WIPF3: variants seen among roughly 807,000 people sequenced by gnomAD.
The protein encoded by WIPF3 is WAS/WASL interacting protein family member 3.
A neutral mutation model predicts 38.9 loss-of-function variants in WIPF3; 33 were observed. That is an observed-to-expected ratio of 0.85 (90% confidence interval 0.64 to 1.14). The LOEUF (loss-of-function observed/expected upper bound fraction) is 1.14. Among genes scored for constraint, WIPF3 ranks in the 50% most tolerant of loss-of-function variants. The pLI is 0.00. For synonymous variants in WIPF3, 324 were observed against 269.3 expected (o/e 1.20, Z -1.99); for missense variants, 711 against 652.5 (o/e 1.09, Z -0.98).
intron 2 of WIPF3, among the ~76,000 whole-genome samples, chr7:29,867,757 G>A (rs1338272161): frequency 2.0e-5 from 3 of 152,042 alleles, no homozygotes; most frequent in Non-Finnish European, 4.4e-5. Context: ...AGGATAAAAA[G>A]GGTGAAGACA....
At chr7:29,869,689 C>T (rs569176986) in intron 2 of WIPF3, among the ~76,000 whole-genome samples, 2 of 152,286 alleles carry the variant, frequency 1.3e-5, no homozygotes, top group African/African-American at 2.4e-5. Context: ...TTCTTCCCAT[C>T]CCTAACATTT....
chr7:29,809,139 G>A (rs187158637), intron 1 of WIPF3, among the ~76,000 whole-genome samples: 367 of 152,248 alleles, frequency 2.4e-3, no homozygotes, highest in African/African-American at 8.5e-3. Flanking sequence ...TTAAATCTAC[G>A]GAGAAATCCT....
intron 1 of WIPF3, among the ~76,000 whole-genome samples, chr7:29,815,493 A>T (rs1034522034): frequency 6.6e-6 from 1 of 152,230 alleles, no homozygotes. Flanking sequence ...ATGGTGTTTG[A>T]TCTGCACTCA....
chr7:29,887,329 G>A (rs1282108623), intron 5 of WIPF3, among the ~76,000 whole-genome samples: 1 of 152,214 alleles, frequency 6.6e-6, no homozygotes, highest in Non-Finnish European at 1.5e-5. Flanking sequence ...AAGAAGCAAA[G>A]TGATGTTTGC....
chr7:29,818,591 T>C, intron 1 of WIPF3, among the ~76,000 whole-genome samples: 1 of 150,038 alleles, frequency 6.7e-6, no homozygotes, highest in African/African-American at 2.4e-5. Context: ...TAAGATAATT[T>C]TTCCGTGGAG....
chr7:29,834,710 T>C lies in WIPF3; in HGVS notation c.-15T>C, dbSNP rs1430231411. ...TGGGACCATTCATAAGCAGGAGACATCAACACCGTGACACATGCCAGTGCC... is the reference window on the plus strand; with the variant it reads ...TGGGACCATTCATAAGCAGGAGACACCAACACCGTGACACATGCCAGTGCC... On this transcript the variant is annotated 5_prime_UTR_variant, in exon 2 of 9. Transcript: ENST00000242140. 4.0e-6 allele frequency: 6 copies of C among 1,494,662 alleles called. No homozygotes were observed. The highest frequency in any genetic ancestry group is 5.3e-6 in the Non-Finnish European group (6 of 1,122,268). 92.6% of individuals were successfully genotyped at this position (1,494,662 alleles called of 1,614,324 possible). A position where few individuals can be genotyped will look rare whatever the true frequency, so the allele number is the denominator to read the frequency against.
intron 2 of WIPF3, among the ~76,000 whole-genome samples, chr7:29,871,021 TG>T (rs1785486495): frequency 6.6e-6 from 1 of 151,752 alleles, no homozygotes; most frequent in Non-Finnish European, 1.5e-5. Context: ...TTTTTGAGCA[TG>T]GATTGGAATT....
chr7:29,868,517 A>AATAT (rs1785431462), intron 2 of WIPF3, among the ~76,000 whole-genome samples: 3 of 72,772 alleles, frequency 4.1e-5, no homozygotes, highest in East Asian at 9.3e-4. Context: ...AATAATGAGA[A>AATAT]GTATATATAT....
intron 3 of WIPF3, among the ~76,000 whole-genome samples, chr7:29,876,321 C>T (rs1231998855): frequency 2.0e-5 from 3 of 152,314 alleles, no homozygotes; most frequent in East Asian, 3.9e-4. Flanking sequence ...GCAACAATCA[C>T]CTCTATCTAG....
intron 1 of WIPF3, among the ~76,000 whole-genome samples, chr7:29,808,044 C>T (rs1186890509): frequency 3.3e-5 from 5 of 152,122 alleles, no homozygotes; most frequent in African/African-American, 1.2e-4. Context: ...AGGTCAATAC[C>T]TGGACAGGAC....
chr7:29,847,741 A>G (rs943113200), intron 2 of WIPF3, among the ~76,000 whole-genome samples: 2 of 152,130 alleles, frequency 1.3e-5, no homozygotes, highest in Non-Finnish European at 2.9e-5. Flanking sequence ...CAGGTCAGAT[A>G]ATTTCTTTAT....
At chr7:29,806,840 C>T (rs1442746494) in intron 1 of WIPF3, among the ~76,000 whole-genome samples, 162 bp downstream of exon 1, 1 of 151,390 alleles carries the variant, frequency 6.6e-6, no homozygotes, top group African/African-American at 2.4e-5. Flanking sequence ...GCTGCAGCCC[C>T]GGGCCCAGGA....
chr7:29,891,555 C>T (rs901649401), intron 7 of WIPF3, among the ~76,000 whole-genome samples: 1 of 152,238 alleles, frequency 6.6e-6, no homozygotes, highest in Admixed American at 6.5e-5. Context: ...AGGGAAATCC[C>T]ACCCACTGAA....
At chr7:29,874,575 C>A (rs926171294) in intron 2 of WIPF3, among the ~76,000 whole-genome samples, 2 of 152,140 alleles carry the variant, frequency 1.3e-5, no homozygotes, top group Non-Finnish European at 2.9e-5. Flanking sequence ...GTAGGGCTAA[C>A]AAGTATTTCT....
intron 2 of WIPF3, among the ~76,000 whole-genome samples, chr7:29,860,579 C>T (rs1369453955): frequency 6.6e-6 from 1 of 152,168 alleles, no homozygotes; most frequent in Non-Finnish European, 1.5e-5. Context: ...TCAAATAAAC[C>T]TCTCTTTTCT....
In WIPF3 at chr7:29,823,507, A is replaced by G. The variant is rs180795418; in HGVS notation, c.-57-11161A>G. 1.3e-5 allele frequency among the ~76,000 whole-genome samples: 2 copies of G among 152,310 alleles called. No homozygotes were observed. Among genetic ancestry groups the G allele is most frequent in the South Asian group, 2.1e-4 (1 of 4,826 alleles). ...TGATATCTCATTTCTAGATTCACAT[A>G]TAACTTTCCCAGTGTTCTGCTAACA... On this transcript the variant is annotated intron_variant, in intron 1 of 8. Coordinates refer to ENST00000242140, the MANE Select transcript of WIPF3 (RefSeq NM_001080529.3). The surrounding 1 kb of genome is among the most constrained non-coding windows in gnomAD (Gnocchi z 4.0).
chr7:29,853,532 C>G (rs1691199837), intron 2 of WIPF3, among the ~76,000 whole-genome samples: 1 of 152,234 alleles, frequency 6.6e-6, no homozygotes, highest in African/African-American at 2.4e-5. Context: ...TATTAGGAGA[C>G]TAGCAACAGG....
chr7:29,901,946 G>A (rs1786290460), intron 7 of WIPF3, among the ~76,000 whole-genome samples: 1 of 151,646 alleles, frequency 6.6e-6, no homozygotes, highest in South Asian at 2.1e-4. Context: ...GGGGAATTTT[G>A]CCTCCCAGGA....
chr7:29,844,301 T>C lies in WIPF3; in HGVS notation c.90+9487T>C, dbSNP rs1424483318. On this transcript the variant is annotated intron_variant, in intron 2 of 8. Coordinates refer to ENST00000242140, the MANE Select transcript of WIPF3 (RefSeq NM_001080529.3). This position sits in a 1 kb window ranked among gnomAD's most constrained non-coding sequence, Gnocchi z 4.8. ...TTTTATAATTAGAAGAAAAGGTTTT[T>C]AAAAAGGAATGAATTATCACTTACC... 6.6e-6 allele frequency among the ~76,000 whole-genome samples: 1 copy of C among 152,222 alleles called. No individual in the cohort carries two copies. Among genetic ancestry groups the C allele is most frequent in the African/African-American group, 2.4e-5 (1 of 41,464 alleles).
Sources: allele counts gnomAD v4.1 joint callset (sites outside exome capture counted in the v4.1 genomes callset), GRCh38; gene constraint gnomAD v4.1.1; non-coding constraint Gnocchi (gnomAD v3.1); transcripts MANE v1.5; gene names NCBI Gene and HGNC (gene_info 2026-07-23, HGNC 2026-07-21).